CRYBA1: variants seen among roughly 807,000 people sequenced by gnomAD.
CRYBA1 encodes crystallin beta A1.
CRYBA1 carries 25 observed loss-of-function variants against 36.2 expected under a neutral mutation model. The observed-to-expected ratio is 0.69, with a 90% confidence interval of 0.50 to 0.97. The LOEUF (loss-of-function observed/expected upper bound fraction) is 0.97. CRYBA1 is among the 50% of genes least tolerant of loss of function. The pLI, the probability that CRYBA1 is intolerant of heterozygous loss-of-function variation, is 0.00. For synonymous variants in CRYBA1, 111 were observed against 90.0 expected, an observed-to-expected ratio of 1.23 and a Z score of -1.32; for missense variants, 224 against 276.3, an observed-to-expected ratio of 0.81 and a Z score of 1.34.
chr17:29,248,736 C>T (rs747348783), intron 1 of CRYBA1, among the ~76,000 whole-genome samples: 1 of 151,688 alleles, frequency 6.6e-6, no homozygotes, highest in South Asian at 2.1e-4. Context: ...TCAGGCTGGG[C>T]GCGGTGGATC....
intron 5 of CRYBA1, 48 bp downstream of exon 5, chr17:29,253,830 G>A: frequency 4.4e-6 from 7 of 1,602,914 alleles, no homozygotes; most frequent in Non-Finnish European, 6.0e-6. Context: ...AACTCCTGAG[G>A]TTGCATCAAT....
Position 29,252,073 on chromosome 17 carries a change from T to G in CRYBA1, c.225T>G (p.Gly75=). 6.2e-7 allele frequency: 1 copy of G among 1,614,118 alleles called. No individual in the cohort carries two copies. Among genetic ancestry groups the G allele is most frequent in the East Asian group, 2.2e-5 (1 of 44,884 alleles). Residue 75 remains glycine (G), a synonymous_variant, in exon 4 of 6, where the codon GGT becomes GGG. Transcript: ENST00000225387. ...TACATGTCTTTGGCAGCTGGATTGGTTATGAGCATACCAGCTTCTGTGGGC... is the reference window on the plus strand; with the variant it reads ...TACATGTCTTTGGCAGCTGGATTGGGTATGAGCATACCAGCTTCTGTGGGC... ...SLKVESGAWI[G]YEHTSFCGQQ...
intron 1 of CRYBA1, among the ~76,000 whole-genome samples, chr17:29,248,539 A>G (rs188479143): frequency 2.7e-5 from 4 of 150,840 alleles, no homozygotes; most frequent in Non-Finnish European, 5.9e-5. Flanking sequence ...TAATTTTTGT[A>G]TTTTTAGTAG....
chr17:29,246,924 C>T (rs747708943), intron 1 of CRYBA1, 30 bp downstream of exon 1: 1 of 1,596,202 alleles, frequency 6.3e-7, no homozygotes. Flanking sequence ...TGCCCTTGCC[C>T]TTCCTCTCCT....
At chr17:29,254,113 CAT>C in intron 5 of CRYBA1, 87 bp from the exon 6 acceptor site, 1 of 1,404,988 alleles carries the variant, frequency 7.1e-7, no homozygotes, top group South Asian at 1.2e-5. Flanking sequence ...CATCTCATAC[CAT>C]TGTGTTGAGT....
intron 2 of CRYBA1, 125 bp from the exon 3 acceptor site, chr17:29,250,057 C>T: frequency 2.6e-6 from 2 of 763,520 alleles, no homozygotes; most frequent in Non-Finnish European, 2.4e-6. Context: ...GAAGAGACCT[C>T]ATCAGGCATC....
chr17:29,253,716 A>C lies in CRYBA1; in HGVS notation c.434A>C (p.Tyr145Ser), dbSNP rs1598425882. ...CGCCAGTGGGAGATCTCTGACGACT[A>C]CCCCTCCTTGCAAGCCATGGGCTGG... ...IGRQWEISDD[Y>S]PSLQAMGWFN... Residue 145 changes from tyrosine (Y) to serine (S), a missense_variant, in exon 5 of 6, where the codon TAC becomes TCC. Coordinates refer to ENST00000225387, the MANE Select transcript of CRYBA1 (RefSeq NM_005208.5). 1 of 1,614,126 alleles carries C rather than the reference A, an allele frequency of 6.2e-7. No homozygotes were observed. Among genetic ancestry groups the C allele is most frequent in the Non-Finnish European group, 8.5e-7 (1 of 1,180,018 alleles).
At chr17:29,253,135 T>C (rs1478771261) in intron 4 of CRYBA1, among the ~76,000 whole-genome samples, 1 of 152,198 alleles carries the variant, frequency 6.6e-6, no homozygotes, top group Non-Finnish European at 1.5e-5. Context: ...TTCCACTCAA[T>C]TGCTCCCCTA....
chr17:29,252,224 C>G lies in CRYBA1; in HGVS notation c.357+19C>G. The G allele has an allele frequency of 6.2e-7, 1 of 1,613,834 alleles. No homozygotes were observed. The highest frequency in any genetic ancestry group is 8.5e-7 in the Non-Finnish European group (1 of 1,179,962). On this transcript the variant is annotated intron_variant, in intron 4 of 5. Transcript: ENST00000225387. Reference sequence around the variant, plus strand: ...TTCAGCTGTGAGTCTCTGAAATTTCCACTTCCGTGCATATGAGGGATGGGA... The same window carrying G: ...TTCAGCTGTGAGTCTCTGAAATTTCGACTTCCGTGCATATGAGGGATGGGA...
chr17:29,248,711 T>C (rs750099226), intron 1 of CRYBA1, among the ~76,000 whole-genome samples: 1 of 151,732 alleles, frequency 6.6e-6, no homozygotes, highest in Non-Finnish European at 1.5e-5. Context: ...GCTTTACCAA[T>C]GGAAAAACTG....
chr17:29,247,532 T>C (rs969737608), intron 1 of CRYBA1, among the ~76,000 whole-genome samples: 3 of 152,272 alleles, frequency 2.0e-5, no homozygotes, highest in African/African-American at 7.2e-5. Context: ...TAGCCATTTT[T>C]GAGTGTAAGT....
At chr17:29,252,426 T>C (rs2068941666) in intron 4 of CRYBA1, among the ~76,000 whole-genome samples, 1 of 152,206 alleles carries the variant, frequency 6.6e-6, no homozygotes, top group African/African-American at 2.4e-5. Context: ...GTCTTACAAG[T>C]GGCAATAAGT....
At position 29,254,283 on chromosome 17, in the gene CRYBA1, T is replaced by C. The variant is rs763423981; in HGVS notation, c.582T>C (p.His194=). The change falls in exon 6 of 6, where the codon CAT becomes CAC. Residue 194 remains histidine, a synonymous_variant. Coordinates refer to ENST00000225387, the MANE Select transcript of CRYBA1 (RefSeq NM_005208.5). ...ECDHHGGDYK[H]WREWGSHAQT... Reference sequence around the variant, plus strand: ...ACCATCATGGAGGAGACTATAAACATTGGAGAGAGTGGGGCTCTCATGCCC... The same window carrying C: ...ACCATCATGGAGGAGACTATAAACACTGGAGAGAGTGGGGCTCTCATGCCC... 8 of 1,614,168 alleles carry C rather than the reference T, an allele frequency of 5.0e-6. No homozygotes were observed. In the Admixed American group the frequency reaches 1.0e-4, roughly 20 times the overall value.
At chr17:29,249,500 T>G (rs933866076) in intron 2 of CRYBA1, among the ~76,000 whole-genome samples, 2 of 152,200 alleles carry the variant, frequency 1.3e-5, no homozygotes, top group Non-Finnish European at 2.9e-5. Context: ...GCAACAGTTA[T>G]GTCCATGGAG....
chr17:29,246,939 C>T (rs2068904590), intron 1 of CRYBA1, 45 bp downstream of exon 1: 1 of 1,581,826 alleles, frequency 6.3e-7, no homozygotes, highest in Non-Finnish European at 8.6e-7. Context: ...TCTCCTTGCC[C>T]TGCAGAGACA....
At chr17:29,246,985 G>A (rs2068904849) in intron 1 of CRYBA1, 91 bp downstream of exon 1, 3 of 1,400,002 alleles carry the variant, frequency 2.1e-6, no homozygotes, top group Non-Finnish European at 3.0e-6. Context: ...TGCCTAGTGT[G>A]TAGAGCCTTC....
At chr17:29,252,930 G>C (rs2068944936) in intron 4 of CRYBA1, among the ~76,000 whole-genome samples, 1 of 152,144 alleles carries the variant, frequency 6.6e-6, no homozygotes, top group Admixed American at 6.5e-5. Context: ...CAAATAAATA[G>C]TTGCCTGTCT....
intron 1 of CRYBA1, 57 bp from the exon 2 acceptor site, chr17:29,249,085 C>G: frequency 1.7e-6 from 2 of 1,156,518 alleles, no homozygotes; most frequent in African/African-American, 1.5e-5. Context: ...CAAGGCATTC[C>G]CTCACCTCCC....
chr17:29,250,288 TG>T lies in CRYBA1; in HGVS notation c.205del (p.Glu69LysfsTer58). On this transcript the variant is annotated frameshift_variant, in exon 3 of 6. Transcript: ENST00000225387. LOFTEE classifies it high-confidence loss of function. ...RSFDNVRSLK[V>X]ESGAWIGYEH... ...TTTGATAATGTCCGGTCCCTGAAGG[TG>T]GAAAGTGGCGCGTGAGTATGGACTT... is the stretch of plus-strand genomic sequence containing the variant. 6.2e-7 allele frequency: 1 copy of T among 1,606,970 alleles called. No individual in the cohort carries two copies. Among genetic ancestry groups the T allele is most frequent in the Non-Finnish European group, 8.5e-7 (1 of 1,173,494 alleles).
Sources: allele counts gnomAD v4.1 joint callset (sites outside exome capture counted in the v4.1 genomes callset), GRCh38; gene constraint gnomAD v4.1.1; transcripts MANE v1.5; gene names NCBI Gene and HGNC (gene_info 2026-07-23, HGNC 2026-07-21).